TRIM14: variants seen among roughly 807,000 people sequenced by gnomAD.
The protein encoded by TRIM14 is tripartite motif containing 14.
In TRIM14, 28 loss-of-function variants were observed where a neutral mutation model predicts 44.5. The observed-to-expected ratio is 0.63, with a 90% confidence interval of 0.47 to 0.86. TRIM14 has a LOEUF of 0.86. Ranked by LOEUF, TRIM14 falls within the 40% of genes least tolerant of loss-of-function variation. The probability of loss-of-function intolerance (pLI) is 0.00; values close to 1 mark genes in which losing one functional copy is unlikely to be tolerated. For synonymous variants in TRIM14, 299 were observed against 269.2 expected, an observed-to-expected ratio of 1.11 and a Z score of -1.08; for missense variants, 607 against 611.1, an observed-to-expected ratio of 0.99 and a Z score of 0.07.
the TRIM14 span, among the ~76,000 whole-genome samples, chr9:98,039,206 A>G: frequency 6.6e-6 from 1 of 151,928 alleles, no homozygotes; most frequent in African/African-American, 2.4e-5. Flanking sequence ...GCTGGAGTGC[A>G]GTAGCATGTC....
the TRIM14 span, among the ~76,000 whole-genome samples, chr9:98,045,580 C>T: frequency 1.1e-4 from 16 of 152,182 alleles, 1 homozygote; most frequent in African/African-American, 2.9e-4. Context: ...CTGTCGTAAA[C>T]CTTCTTCCAC....
At chr9:98,059,860 T>C in the TRIM14 span, among the ~76,000 whole-genome samples, 1 of 152,034 alleles carries the variant, frequency 6.6e-6, no homozygotes, top group Non-Finnish European at 1.5e-5. Flanking sequence ...TCAAAGAAAA[T>C]GTCATGGAGA....
chr9:98,056,875 G>A, the TRIM14 span: 4 of 1,611,930 alleles, frequency 2.5e-6, no homozygotes, highest in South Asian at 2.2e-5. Flanking sequence ...CTTCATCATT[G>A]CCGAGATCGG....
chr9:98,088,826 C>A (rs1825894395), intron 5 of TRIM14, among the ~76,000 whole-genome samples: 1 of 152,104 alleles, frequency 6.6e-6, no homozygotes, highest in Non-Finnish European at 1.5e-5. Flanking sequence ...ATACATATTG[C>A]AAAACTATCC....
chr9:98,089,904 GAATAA>G (rs1360731056), intron 5 of TRIM14, among the ~76,000 whole-genome samples: 1 of 152,186 alleles, frequency 6.6e-6, no homozygotes, highest in Non-Finnish European at 1.5e-5. Flanking sequence ...CTAATCTTTA[GAATAA>G]AACCACTTTC....
intron 3 of TRIM14, among the ~76,000 whole-genome samples, chr9:98,099,473 A>G (rs1175329024): frequency 1.3e-5 from 2 of 151,246 alleles, no homozygotes; most frequent in Non-Finnish European, 3.0e-5. Context: ...AAAAAAAAAA[A>G]AGACTGTACA....
At chr9:98,061,558 G>A in the TRIM14 span, among the ~76,000 whole-genome samples, 2,104 of 150,180 alleles carry the variant, frequency 0.014, 47 homozygotes, top group African/African-American at 0.049. Flanking sequence ...GAGACAGGCA[G>A]GTCACGAGGT....
chr9:98,092,456 T>A (rs758513547), intron 4 of TRIM14: 4 of 367,128 alleles, frequency 1.1e-5, no homozygotes, highest in Non-Finnish European at 1.6e-5. Context: ...CTTGCCCAGG[T>A]TGCCTCCTTC....
the TRIM14 span, among the ~76,000 whole-genome samples, chr9:98,053,513 T>C: frequency 0.025 from 3,851 of 152,240 alleles, 157 homozygotes; most frequent in African/African-American, 0.086. Flanking sequence ...CCCTCCATTA[T>C]AGAACAACAC....
intron 1 of TRIM14, among the ~76,000 whole-genome samples, chr9:98,115,469 C>G (rs183834160): frequency 2.0e-5 from 3 of 152,138 alleles, no homozygotes; most frequent in Admixed American, 6.5e-5. Flanking sequence ...ATACTGGTCT[C>G]GAACTTCTGA....
At chr9:98,047,671 G>A in the TRIM14 span, among the ~76,000 whole-genome samples, 4 of 152,198 alleles carry the variant, frequency 2.6e-5, no homozygotes, top group Middle Eastern at 3.4e-3. Flanking sequence ...GTAATAGCTA[G>A]GTAGGAAATA....
At chr9:98,062,777 G>GTTT in the TRIM14 span, among the ~76,000 whole-genome samples, 25 of 109,314 alleles carry the variant, frequency 2.3e-4, no homozygotes, top group Admixed American at 3.1e-4. Context: ...AGTTATTTCA[G>GTTT]TTTTTTTTTT....
chr9:98,070,341 C>G (rs905049508), intron 6 of TRIM14, among the ~76,000 whole-genome samples: 4 of 152,148 alleles, frequency 2.6e-5, no homozygotes, highest in Non-Finnish European at 5.9e-5. Flanking sequence ...TGGTCTTGAA[C>G]TCCTGACCTC....
the TRIM14 span, among the ~76,000 whole-genome samples, chr9:98,049,920 T>C: frequency 2.0e-5 from 3 of 152,196 alleles, no homozygotes. Flanking sequence ...AGATGTTTGA[T>C]TGATCAATGA....
chr9:98,098,585 G>A (rs889119278), intron 3 of TRIM14, among the ~76,000 whole-genome samples: 8 of 151,942 alleles, frequency 5.3e-5, no homozygotes, highest in African/African-American at 1.7e-4. Context: ...GGTGGGGGGC[G>A]CCTGTAGTCC....
chr9:98,077,088 GC>G, intron 6 of TRIM14: 1 of 1,135,170 alleles, frequency 8.8e-7, no homozygotes, highest in Non-Finnish European at 1.3e-6. Flanking sequence ...CCTCATGGTG[GC>G]CCACTTTCAG....
chr9:98,078,419 A>C (rs1041733236), intron 6 of TRIM14: 1 of 1,507,540 alleles, frequency 6.6e-7, no homozygotes, highest in Non-Finnish European at 9.0e-7. Flanking sequence ...TTTATAACCA[A>C]AATTCTAACA....
At chr9:98,105,092 C>T (rs1826555478) in intron 2 of TRIM14, among the ~76,000 whole-genome samples, 1 of 152,296 alleles carries the variant, frequency 6.6e-6, no homozygotes, top group South Asian at 2.1e-4. Flanking sequence ...CTGGCAGGGT[C>T]CCCATCTTTT....
chr9:98,115,663 C>T lies in TRIM14; in HGVS notation c.207+3319G>A, dbSNP rs368184697. Among the ~76,000 whole-genome samples the T allele has an allele frequency of 2.2e-4, 33 of 152,218 alleles. 1 individual carries two copies. Among genetic ancestry groups the T allele is most frequent in the African/African-American group, 7.9e-4 (33 of 41,544 alleles). ...CCTCCCAAAGTGCTGGGTTTACAGG[C>T]GTGAGCCACCGCACCTGGCTATTTG... On this transcript the variant is annotated intron_variant, in intron 1 of 5. Coordinates refer to ENST00000341469, the MANE Select transcript of TRIM14 (RefSeq NM_014788.4).
Sources: allele counts gnomAD v4.1 joint callset (sites outside exome capture counted in the v4.1 genomes callset), GRCh38; gene constraint gnomAD v4.1.1; transcripts MANE v1.5; gene names NCBI Gene and HGNC (gene_info 2026-07-23, HGNC 2026-07-21).